The following ARAP2 variants were observed in gnomAD, a reference collection of about 807,000 sequenced individuals.
ARAP2 encodes ArfGAP with RhoGAP domain, ankyrin repeat and PH domain 2, also known as arf-GAP with Rho-GAP domain, ANK repeat and PH domain-containing protein 2.
A neutral mutation model predicts 194.5 loss-of-function variants in ARAP2; 148 were observed. That is an observed-to-expected ratio of 0.76 (90% CI 0.67 to 0.87). ARAP2 has a LOEUF of 0.87. ARAP2 is among the 40% of genes least tolerant of loss of function. The probability of loss-of-function intolerance (pLI) is 0.00; values close to 1 mark genes in which losing one functional copy is unlikely to be tolerated. For synonymous variants in ARAP2, 695 were observed against 683.5 expected (o/e 1.02, Z -0.26); for missense variants, 2,128 against 1,989.7 (o/e 1.07, Z -1.32).
In ARAP2 at chr4:36,078,714, TC is replaced by T. The variant is rs201975692; in HGVS notation, c.4608+1501del. On this transcript the variant is annotated intron_variant, in intron 31 of 32. Transcript: ENST00000303965. ...CCTTGTAGTGAGAGTAGGCTTTGCT[TC>T]CTGCATTCATTGTTTAAATTTCAAC... Among the ~76,000 whole-genome samples the T allele has an allele frequency of 5.6e-3, 860 of 152,298 alleles. 8 individuals carry two copies. Among genetic ancestry groups the T allele is most frequent in the African/African-American group, 0.02 (817 of 41,584 alleles).
intron 28 of ARAP2, among the ~76,000 whole-genome samples, chr4:36,083,809 T>C (rs2109354822): frequency 6.6e-6 from 1 of 152,260 alleles, no homozygotes; most frequent in Admixed American, 6.5e-5. Context: ...ATGCAAGGTA[T>C]TGTTCCTGGG....
chr4:36,067,583 C>G lies in ARAP2; in HGVS notation c.*324G>C, dbSNP rs1725780017. ...ACACAGCATTTTATACAATACAGTA[C>G]AGTTTGAGATTTCTGCTCATAAATT... On this transcript the variant is annotated 3_prime_UTR_variant, in exon 33 of 33. Coordinates refer to ENST00000303965, the MANE Select transcript of ARAP2 (RefSeq NM_015230.4). 1 of 199,970 alleles carries G rather than the reference C, an allele frequency of 5.0e-6. No individual in the cohort carries two copies. The highest frequency in any genetic ancestry group is 1.0e-5 in the Non-Finnish European group (1 of 98,480). The allele number at this position is 199,970 out of a possible 1,614,324, so 12.4% of individuals were successfully genotyped here. A position where few individuals can be genotyped will look rare whatever the true frequency, so the allele number is the denominator to read the frequency against.
In ARAP2 at chr4:36,121,160, CA is replaced by C. The variant is rs754546061; in HGVS notation, c.3894+18del. The C allele has an allele frequency of 2.6e-6, 4 of 1,557,128 alleles. No individual in the cohort carries two copies. Among genetic ancestry groups the C allele is most frequent in the Non-Finnish European group, 3.5e-6 (4 of 1,143,632 alleles). On this transcript the variant is annotated intron_variant, in intron 23 of 32. Coordinates refer to ENST00000303965, the MANE Select transcript of ARAP2 (RefSeq NM_015230.4). ...GACATTATAACCATTTTAACAAGGG[CA>C]GGATACAAAATAATTACCTCAAATA...
chr4:36,145,923 C>T (rs1015598810), intron 19 of ARAP2, among the ~76,000 whole-genome samples: 5 of 151,960 alleles, frequency 3.3e-5, no homozygotes, highest in Admixed American at 6.6e-5. Flanking sequence ...GATACAACCT[C>T]TTCACTTAAT....
intron 30 of ARAP2, among the ~76,000 whole-genome samples, chr4:36,081,908 C>T (rs779866633): frequency 3.2e-4 from 48 of 151,998 alleles, no homozygotes; most frequent in Non-Finnish European, 6.3e-4. Context: ...GGGTTGAGAG[C>T]GGGATATATG....
chr4:36,070,691 C>T (rs866591601), intron 32 of ARAP2, among the ~76,000 whole-genome samples: 5 of 152,160 alleles, frequency 3.3e-5, no homozygotes, highest in Admixed American at 2.0e-4. Context: ...AGTAATATGA[C>T]CAATATGTAC....
At chr4:36,154,106 T>C (rs887421593) in intron 15 of ARAP2, among the ~76,000 whole-genome samples, 3 of 152,186 alleles carry the variant, frequency 2.0e-5, no homozygotes, top group South Asian at 2.1e-4. Context: ...GTATCTGTTA[T>C]ATGCTTGAAC....
At chr4:36,242,796 A>C (rs979289724) in intron 1 of ARAP2, among the ~76,000 whole-genome samples, 1 of 152,186 alleles carries the variant, frequency 6.6e-6, no homozygotes, top group Non-Finnish European at 1.5e-5. Flanking sequence ...ACACAAGCAC[A>C]CACCCATATA....
At chr4:36,117,784 G>A (rs1721724454) in intron 24 of ARAP2, among the ~76,000 whole-genome samples, 1 of 151,438 alleles carries the variant, frequency 6.6e-6, no homozygotes, top group Non-Finnish European at 1.5e-5. Flanking sequence ...ACTAATTTAG[G>A]TCATTATTAT....
At chr4:36,094,399 G>A (rs1288688115) in intron 27 of ARAP2, among the ~76,000 whole-genome samples, 3 of 151,972 alleles carry the variant, frequency 2.0e-5, no homozygotes, top group Non-Finnish European at 2.9e-5. Flanking sequence ...GGCCTTTTAC[G>A]GAAAAAAGCT....
chr4:36,147,131 T>A (rs1463460920), intron 19 of ARAP2, among the ~76,000 whole-genome samples, 165 bp downstream of exon 19: 1 of 152,064 alleles, frequency 6.6e-6, no homozygotes, highest in Non-Finnish European at 1.5e-5. Flanking sequence ...ATTGGTATAG[T>A]CTTTCCAAAG....
chr4:36,219,160 T>C (rs536797828), intron 2 of ARAP2, among the ~76,000 whole-genome samples: 13 of 152,308 alleles, frequency 8.5e-5, no homozygotes, highest in Admixed American at 2.6e-4. Flanking sequence ...AAGAACCATT[T>C]TGCATTATCT....
rs1224913225 is a variant in ARAP2, at chr4:36,244,470, C to T, written c.-451G>A. 6.6e-6 allele frequency: 1 copy of T among 150,732 alleles called. No homozygotes were observed. The highest frequency in any genetic ancestry group is 1.5e-5 in the Non-Finnish European group (1 of 67,492). The allele number at this position is 150,732 out of a possible 1,614,324, so 9.3% of individuals were successfully genotyped here. A position where few individuals can be genotyped will look rare whatever the true frequency, so the allele number is the denominator to read the frequency against. On this transcript the variant is annotated 5_prime_UTR_variant, in exon 1 of 33. Transcript: ENST00000303965. ...GGAAACGCCGAGCCCGGCGCCCGCGCCTTGCTCAGGTGCTCCCGCGCCTCG... is the reference window on the plus strand; with the variant it reads ...GGAAACGCCGAGCCCGGCGCCCGCGTCTTGCTCAGGTGCTCCCGCGCCTCG...
At chr4:36,124,674 A>G (rs889766518) in intron 22 of ARAP2, among the ~76,000 whole-genome samples, 188 bp downstream of exon 22, 3 of 151,898 alleles carry the variant, frequency 2.0e-5, no homozygotes, top group Admixed American at 6.6e-5. Context: ...GCATTTGAGG[A>G]CACTGTATAC....
chr4:36,114,624 T>C (rs1353920763), intron 25 of ARAP2, among the ~76,000 whole-genome samples: 1 of 152,038 alleles, frequency 6.6e-6, no homozygotes, highest in African/African-American at 2.4e-5. Context: ...ATGTAAAATT[T>C]TTACTCAACA....
intron 25 of ARAP2, among the ~76,000 whole-genome samples, chr4:36,115,908 T>C (rs1721209182): frequency 6.6e-6 from 1 of 152,002 alleles, no homozygotes; most frequent in Non-Finnish European, 1.5e-5. Context: ...CATAAGAACA[T>C]GGCTCAATTA....
At chr4:36,234,562 T>C (rs1339287584) in intron 1 of ARAP2, among the ~76,000 whole-genome samples, 3 of 152,216 alleles carry the variant, frequency 2.0e-5, no homozygotes, top group Admixed American at 2.0e-4. Flanking sequence ...ATGCCAAGAC[T>C]CTGAATACAG....
At chr4:36,225,102 G>T (rs1358606147) in intron 2 of ARAP2, among the ~76,000 whole-genome samples, 1 of 152,128 alleles carries the variant, frequency 6.6e-6, no homozygotes. Flanking sequence ...CTTTTGAAAA[G>T]CCCTCAAAGG....
chr4:36,165,260 TA>T, intron 10 of ARAP2, 147 bp from the exon 11 acceptor site: 1 of 706,952 alleles, frequency 1.4e-6, no homozygotes, highest in Non-Finnish European at 2.3e-6. Flanking sequence ...TCTTTTCTGT[TA>T]AAAATCATTT....
Sources: allele counts gnomAD v4.1 joint callset (sites outside exome capture counted in the v4.1 genomes callset), GRCh38; gene constraint gnomAD v4.1.1; transcripts MANE v1.5; gene names NCBI Gene and HGNC (gene_info 2026-07-23, HGNC 2026-07-21).